The following GPR89A variants were observed in gnomAD, a reference collection of about 807,000 sequenced individuals.
GPR89A encodes the protein G protein-coupled receptor 89A.
Under a neutral mutation model 52.0 loss-of-function variants are expected in GPR89A, and 16 were observed. That is an observed-to-expected ratio of 0.31 (90% CI 0.21 to 0.47). The LOEUF (loss-of-function observed/expected upper bound fraction) is 0.47. Ranked by LOEUF, GPR89A falls within the 20% of genes least tolerant of loss-of-function variation. The pLI is 1.00. For synonymous variants in GPR89A, 55 were observed against 150.9 expected, an observed-to-expected ratio of 0.36 and a Z score of 4.66; for missense variants, 135 against 449.4, an observed-to-expected ratio of 0.30 and a Z score of 6.33.
intron 2 of GPR89A, 48 bp downstream of exon 2, chr1:145,616,341 A>T: frequency 2.0e-6 from 3 of 1,521,596 alleles, no homozygotes; most frequent in Non-Finnish European, 2.7e-6. Context: ...ATTTAGATTG[A>T]CAAGAAAAAT....
At chr1:145,624,423 C>CT (rs1328879276) in intron 5 of GPR89A, among the ~76,000 whole-genome samples, 14 of 140,292 alleles carry the variant, frequency 1.0e-4, no homozygotes, top group Non-Finnish European at 2.0e-4. Context: ...ATGAATCTAT[C>CT]TAAAAAGATT....
Position 145,608,077 on chromosome 1 carries a change from C to T in GPR89A, c.-57C>T. The T allele has an allele frequency of 1.2e-6, 2 of 1,606,050 alleles. No homozygotes were observed. The highest frequency in any genetic ancestry group is 1.7e-6 in the Non-Finnish European group (2 of 1,173,640). Reference sequence around the variant, plus strand: ...CGTGTGAGGGGGCCTGTGGCCCCAGCGTGCTGTGGCCTCGGGGAGTGGGAA... The same window carrying T: ...CGTGTGAGGGGGCCTGTGGCCCCAGTGTGCTGTGGCCTCGGGGAGTGGGAA... On this transcript the variant is annotated 5_prime_UTR_variant, in exon 1 of 14. Transcript: ENST00000313835.
At chr1:145,626,267 T>C (rs1469109730) in intron 5 of GPR89A, among the ~76,000 whole-genome samples, 1 of 151,776 alleles carries the variant, frequency 6.6e-6, no homozygotes, top group South Asian at 2.1e-4. Context: ...AAGACCCGAC[T>C]CTGACACCTT....
chr1:145,662,135 CA>C (rs1652243732), intron 10 of GPR89A, among the ~76,000 whole-genome samples: 1 of 152,106 alleles, frequency 6.6e-6, no homozygotes, highest in Admixed American at 6.6e-5. Context: ...TCAATTACGT[CA>C]AATTGATTGA....
intron 1 of GPR89A, chr1:145,612,263 A>G (rs1388030910): frequency 7.2e-5 from 11 of 152,184 alleles, no homozygotes; most frequent in African/African-American, 2.2e-4. Context: ...ATCTCCTACT[A>G]TGAATACTTT....
At chr1:145,669,475 C>T (rs1411355165) in intron 12 of GPR89A, 150 bp from the exon 13 acceptor site, 20 of 659,712 alleles carry the variant, frequency 3.0e-5, no homozygotes, top group Non-Finnish European at 5.5e-5. Flanking sequence ...TTTTAAGTCT[C>T]TTCTTTATAG....
chr1:145,609,405 T>G (rs1202020096), intron 1 of GPR89A, among the ~76,000 whole-genome samples: 1 of 152,182 alleles, frequency 6.6e-6, no homozygotes, highest in Non-Finnish European at 1.5e-5. Flanking sequence ...ATTTTTAAAA[T>G]TTACCACCTT....
At chr1:145,636,079 A>G (rs1202897066) in intron 7 of GPR89A, among the ~76,000 whole-genome samples, 2 of 152,086 alleles carry the variant, frequency 1.3e-5, no homozygotes, top group African/African-American at 2.4e-5. Flanking sequence ...CATTTCCCCT[A>G]TAATGCATTG....
chr1:145,623,651 C>T lies in GPR89A; in HGVS notation c.352C>T (p.Leu118=). 1 of 1,574,438 alleles carries T rather than the reference C, an allele frequency of 6.4e-7. No individual in the cohort carries two copies. The change falls in exon 5 of 14, where the codon CTG becomes TTG. Residue 118 remains leucine, a synonymous_variant. Coordinates refer to ENST00000313835, the MANE Select transcript of GPR89A (RefSeq NM_001097612.2). Reference sequence around the variant, plus strand: ...ACTGCTTTTTTCCTGTCTCTTATGGCTGACCTTTATGTATTTCTTCTGGAA... The same window carrying T: ...ACTGCTTTTTTCCTGTCTCTTATGGTTGACCTTTATGTATTTCTTCTGGAA... ...QRLLFSCLLW[L]TFMYFFWKLG...
intron 3 of GPR89A, among the ~76,000 whole-genome samples, chr1:145,619,581 A>G (rs1553687687): frequency 6.6e-6 from 1 of 152,146 alleles, no homozygotes; most frequent in Non-Finnish European, 1.5e-5. Context: ...TGGACAAGAC[A>G]ATGAGACCCC....
At chr1:145,616,815 C>T (rs1191729499) in intron 2 of GPR89A, among the ~76,000 whole-genome samples, 3 of 151,814 alleles carry the variant, frequency 2.0e-5, no homozygotes, top group Admixed American at 1.3e-4. Context: ...TTGGTAGGAC[C>T]GTGATGGTGA....
chr1:145,619,879 G>A (rs1264741484), intron 3 of GPR89A, among the ~76,000 whole-genome samples: 1 of 152,062 alleles, frequency 6.6e-6, no homozygotes, highest in African/African-American at 2.4e-5. Context: ...GCTGGGCGTG[G>A]TGGTGGGCGC....
intron 10 of GPR89A, among the ~76,000 whole-genome samples, chr1:145,656,185 G>A (rs1651795448): frequency 6.6e-6 from 1 of 152,136 alleles, no homozygotes; most frequent in Non-Finnish European, 1.5e-5. Context: ...GCTGTCCCGG[G>A]AACTTGGTCG....
intron 10 of GPR89A, among the ~76,000 whole-genome samples, chr1:145,660,994 GAC>G (rs1239629051): frequency 1.3e-5 from 2 of 152,024 alleles, no homozygotes; most frequent in Admixed American, 1.3e-4. Flanking sequence ...CTGCTATAAA[GAC>G]ACATGCACAC....
At chr1:145,634,205 G>A (rs1191916446) in intron 7 of GPR89A, among the ~76,000 whole-genome samples, 5 of 151,104 alleles carry the variant, frequency 3.3e-5, no homozygotes, top group African/African-American at 7.3e-5. Flanking sequence ...TCAGCCTCCC[G>A]AGTATCTGGG....
At position 145,653,295 on chromosome 1, in the gene GPR89A, T is replaced by G. The variant is rs1651589395; in HGVS notation, c.909+6028T>G. 2.7e-5 allele frequency among the ~76,000 whole-genome samples: 4 copies of G among 145,564 alleles called. 1 individual carries two copies. In the South Asian group the frequency reaches 8.8e-4, roughly 32 times the overall value. On this transcript the variant is annotated intron_variant, in intron 10 of 13. Coordinates refer to ENST00000313835, the MANE Select transcript of GPR89A (RefSeq NM_001097612.2). ...TGTAGTTGTGTAGTTTTGAGTTAGT[T>G]TCTTAGTCTTGAGTTCTAATTTGAT...
At chr1:145,608,310 A>G in intron 1 of GPR89A, 135 bp downstream of exon 1, 2 of 1,313,298 alleles carry the variant, frequency 1.5e-6, no homozygotes, top group South Asian at 1.2e-5. Context: ...TCTGGCACCC[A>G]GAGAGGGTGT....
intron 7 of GPR89A, among the ~76,000 whole-genome samples, chr1:145,636,780 G>T (rs1302603292): frequency 6.6e-6 from 1 of 152,020 alleles, no homozygotes; most frequent in African/African-American, 2.4e-5. Context: ...AATGAGCAGA[G>T]GCAGGTAGAA....
At chr1:145,632,239 T>A (rs1418845668) in intron 7 of GPR89A, among the ~76,000 whole-genome samples, 1 of 152,202 alleles carries the variant, frequency 6.6e-6, no homozygotes, top group Non-Finnish European at 1.5e-5. Context: ...TGTTTATTTT[T>A]TTGTGGTGAA....
Sources: gnomAD v4.1 joint callset for allele counts (sites outside exome capture counted in the v4.1 genomes callset) on GRCh38, gnomAD v4.1.1 for gene constraint, MANE v1.5 for transcripts, NCBI Gene and HGNC (gene_info 2026-07-23, HGNC 2026-07-21) for gene names.